NWD1: variants seen among roughly 807,000 people sequenced by gnomAD.
NWD1 encodes NACHT domain- and WD repeat-containing protein 1.
In NWD1, 129 loss-of-function variants were observed where a neutral mutation model predicts 135.1. The ratio of observed to expected loss-of-function variants is 0.96; its 90% CI spans 0.83 to 1.11. NWD1 has a LOEUF of 1.11. NWD1 is among the 50% of genes least tolerant of loss of function. NWD1 has a pLI of 0.00. For synonymous variants in NWD1, 773 were observed against 786.0 expected, an observed-to-expected ratio of 0.98 and a Z score of 0.28; for missense variants, 1,740 against 1,851.3, an observed-to-expected ratio of 0.94 and a Z score of 1.10.
chr19:16,791,753 G>A (rs937229478), intron 14 of NWD1, 131 bp downstream of exon 14: 1 of 962,998 alleles, frequency 1.0e-6, no homozygotes, highest in Non-Finnish European at 1.6e-6. Flanking sequence ...CACTTTTGTT[G>A]CCCAGGCTGG....
At chr19:16,735,335 C>T (rs541200631) in intron 3 of NWD1, among the ~76,000 whole-genome samples, 13 of 151,896 alleles carry the variant, frequency 8.6e-5, no homozygotes, top group African/African-American at 2.9e-4. Flanking sequence ...AAAACTTTAT[C>T]TCTAATAAAG....
intron 15 of NWD1, among the ~76,000 whole-genome samples, chr19:16,796,884 A>G (rs1379825655): frequency 1.3e-5 from 2 of 152,102 alleles, no homozygotes; most frequent in African/African-American, 4.8e-5. Context: ...TTTCCTTAAG[A>G]TGAGTGATTA....
intron 17 of NWD1, among the ~76,000 whole-genome samples, chr19:16,805,532 CTT>C (rs1306852802): frequency 2.0e-5 from 3 of 152,032 alleles, no homozygotes; most frequent in Admixed American, 1.3e-4. Flanking sequence ...GGGTCTCACT[CTT>C]TTGCCCAGAC....
intron 6 of NWD1, among the ~76,000 whole-genome samples, chr19:16,752,233 C>T (rs1194418082): frequency 2.0e-5 from 3 of 149,230 alleles, no homozygotes; most frequent in Non-Finnish European, 3.0e-5. Flanking sequence ...TTTTTTTTCT[C>T]AGCCTGTGCC....
chr19:16,772,311 G>C (rs931859158), intron 10 of NWD1, among the ~76,000 whole-genome samples: 25 of 152,204 alleles, frequency 1.6e-4, no homozygotes, highest in Admixed American at 4.6e-4. Flanking sequence ...GCTGCAGTGA[G>C]CTGCGATCGT....
rs191798860 is a variant in NWD1 at position 16,814,276 on chromosome 19, G to A, written c.4288-752G>A. On this transcript the variant is annotated intron_variant, in intron 18 of 18. Transcript: ENST00000524140. ...GAGGCTCTGAGAGGCTGGCAGACTT[G>A]CCTAAGGTCACACAGTGAGTAACTA... Among the ~76,000 whole-genome samples, 193 of 152,320 alleles carry A rather than the reference G, an allele frequency of 1.3e-3. 3 individuals are homozygous for A. Among genetic ancestry groups the A allele is most frequent in the African/African-American group, 4.3e-3 (180 of 41,572 alleles).
At chr19:16,771,413 G>A (rs961518095) in intron 10 of NWD1, among the ~76,000 whole-genome samples, 11 of 152,210 alleles carry the variant, frequency 7.2e-5, no homozygotes, top group East Asian at 1.9e-4. Context: ...TCACGCCACC[G>A]CACTCCAACT....
At chr19:16,738,396 C>G (rs1012292254) in intron 4 of NWD1, 39 of 253,742 alleles carry the variant, frequency 1.5e-4, no homozygotes, top group Middle Eastern at 3.3e-3. Flanking sequence ...TGGTGAAACC[C>G]CATCTCTACT....
At chr19:16,720,855 G>A (rs1399418162) in intron 1 of NWD1, among the ~76,000 whole-genome samples, 1 of 151,858 alleles carries the variant, frequency 6.6e-6, no homozygotes, top group African/African-American at 2.4e-5. Context: ...ACCTGGCCGA[G>A]ACTTTTTCTT....
Position 16,773,106 on chromosome 19 carries a change from T to C in NWD1, c.2411-20T>C. ...AGGGGGCTCAATCCAGGCAACTTAG[T>C]CTACATCCCTTTGTTGCAGAGAGGA... On this transcript the variant is annotated intron_variant, in intron 10 of 18. Coordinates refer to ENST00000524140, the MANE Select transcript of NWD1 (RefSeq NM_001007525.5). The C allele has an allele frequency of 6.2e-7, 1 of 1,610,408 alleles. No homozygotes were observed. Among genetic ancestry groups the C allele is most frequent in the Non-Finnish European group, 8.5e-7 (1 of 1,177,416 alleles).
chr19:16,803,590 C>A (rs1229444179), intron 17 of NWD1, among the ~76,000 whole-genome samples: 1 of 151,890 alleles, frequency 6.6e-6, no homozygotes, highest in African/African-American at 2.4e-5. Flanking sequence ...ATCTTCAGTC[C>A]ATAACACGCC....
At chr19:16,812,080 G>T (rs1292223942) in intron 18 of NWD1, among the ~76,000 whole-genome samples, 1 of 152,158 alleles carries the variant, frequency 6.6e-6, no homozygotes, top group Non-Finnish European at 1.5e-5. Flanking sequence ...GGAAGCCGAG[G>T]CAGGCAGATC....
At chr19:16,751,454 G>C (rs1968575397) in intron 6 of NWD1, among the ~76,000 whole-genome samples, 1 of 149,426 alleles carries the variant, frequency 6.7e-6, no homozygotes, top group Non-Finnish European at 1.5e-5. Flanking sequence ...GAAGGAGAGA[G>C]AAAGAAAGGA....
chr19:16,775,360 T>C (rs1332521228), intron 11 of NWD1, among the ~76,000 whole-genome samples: 1 of 152,114 alleles, frequency 6.6e-6, no homozygotes, highest in Non-Finnish European at 1.5e-5. Flanking sequence ...TTCTCTCTTT[T>C]GAAATAGTTC....
chr19:16,747,345 T>TTTTTTTTA (rs1555719935), intron 5 of NWD1, among the ~76,000 whole-genome samples: 1 of 143,170 alleles, frequency 7.0e-6, no homozygotes, highest in South Asian at 2.2e-4. Flanking sequence ...GACATTTTCT[T>TTTTTTTTA]TTTATTTATT....
intron 1 of NWD1, among the ~76,000 whole-genome samples, chr19:16,723,168 G>A (rs1166305957): frequency 6.6e-6 from 1 of 152,022 alleles, no homozygotes; most frequent in African/African-American, 2.4e-5. Context: ...CAAGTAGCTA[G>A]GACCGCAGAC....
rs1315667767 is a variant in NWD1, at chr19:16,797,878, C to T, written c.3451C>T (p.Leu1151Phe). The T allele has an allele frequency of 1.2e-6, 2 of 1,613,572 alleles. No individual in the cohort carries two copies. Among genetic ancestry groups the T allele is most frequent in the South Asian group, 1.1e-5 (1 of 91,050 alleles). Residue 1151 changes from leucine (L) to phenylalanine (F), a missense_variant, in exon 16 of 19, where the codon CTC (leucine) becomes TTC (phenylalanine). Leu to Phe is a conservative substitution (Grantham distance 22). Coordinates refer to ENST00000524140, the MANE Select transcript of NWD1 (RefSeq NM_001007525.5). ...GATCATCACGGGGTCCCTTGATGCG[C>T]TCATTCAGGTGAGGGGAGATCTGGG... ...NLIITGSLDA[L>F]IQVWSLSEQG... is the part of the protein sequence containing the mutation.
intron 17 of NWD1, among the ~76,000 whole-genome samples, chr19:16,805,373 T>C (rs1177919488): frequency 2.6e-5 from 4 of 151,854 alleles, no homozygotes; most frequent in African/African-American, 4.8e-5. Flanking sequence ...TTTGTGTGTT[T>C]TGTAGAGATA....
intron 3 of NWD1, among the ~76,000 whole-genome samples, chr19:16,732,654 CAA>C (rs759471981): frequency 2.0e-4 from 6 of 30,298 alleles, no homozygotes; most frequent in Non-Finnish European, 2.3e-4. Context: ...GACTTCATCT[CAA>C]AAAAAAAAAA....
Sources: allele counts gnomAD v4.1 joint callset (sites outside exome capture counted in the v4.1 genomes callset), GRCh38; gene constraint gnomAD v4.1.1; transcripts MANE v1.5; gene names NCBI Gene and HGNC (gene_info 2026-07-23, HGNC 2026-07-21).